Variants in ITPR2 observed in about 807,000 individuals in gnomAD.
ITPR2 encodes the protein inositol 1,4,5-trisphosphate receptor type 2.
In ITPR2, 207 loss-of-function variants were observed where a neutral mutation model predicts 317.1. That is an observed-to-expected ratio of 0.65 (90% CI 0.58 to 0.73). The LOEUF (loss-of-function observed/expected upper bound fraction) is 0.73, where lower values mean the gene tolerates loss of function less well. ITPR2 is among the 30% of genes least tolerant of loss of function. The probability of loss-of-function intolerance (pLI) is 0.00; values close to 1 mark genes in which losing one functional copy is unlikely to be tolerated. For synonymous variants in ITPR2, 1,156 were observed against 1,149.1 expected, an observed-to-expected ratio of 1.01 and a Z score of -0.12; for missense variants, 2,613 against 3,284.0, an observed-to-expected ratio of 0.80 and a Z score of 4.99.
intron 45 of ITPR2, among the ~76,000 whole-genome samples, chr12:26,455,187 GAGA>G (rs986832438): frequency 6.6e-6 from 1 of 151,814 alleles, no homozygotes; most frequent in African/African-American, 2.4e-5. Flanking sequence ...ATGAAGAGTT[GAGA>G]AGAAGCACTA....
chr12:26,474,981 C>T (rs1191921305), intron 45 of ITPR2, among the ~76,000 whole-genome samples: 2 of 152,098 alleles, frequency 1.3e-5, no homozygotes, highest in East Asian at 3.9e-4. Flanking sequence ...CCCCAGTAGC[C>T]TCTCTTCCCC....
At chr12:26,460,851 G>A (rs1942001450) in intron 45 of ITPR2, among the ~76,000 whole-genome samples, 1 of 152,116 alleles carries the variant, frequency 6.6e-6, no homozygotes, top group Non-Finnish European at 1.5e-5. Flanking sequence ...CCCCCAGCTA[G>A]GGTTCTTTGT....
chr12:26,691,685 CT>C, intron 10 of ITPR2, among the ~76,000 whole-genome samples: 1 of 152,198 alleles, frequency 6.6e-6, no homozygotes, highest in Middle Eastern at 3.4e-3. Context: ...CAGTCAGCCC[CT>C]AGAACACCTT....
intron 34 of ITPR2, among the ~76,000 whole-genome samples, chr12:26,566,141 G>A (rs1200603925): frequency 5.5e-5 from 7 of 128,264 alleles, no homozygotes; most frequent in Non-Finnish European, 1.2e-4. Flanking sequence ...GAGAGGAGGA[G>A]AGGAAAGGAG....
chr12:26,496,047 G>A (rs1301267206), intron 37 of ITPR2, among the ~76,000 whole-genome samples: 1 of 152,122 alleles, frequency 6.6e-6, no homozygotes, highest in African/African-American at 2.4e-5. Context: ...ATAATTGCTT[G>A]CATGTACATA....
intron 2 of ITPR2, among the ~76,000 whole-genome samples, chr12:26,777,422 C>G (rs1392409198): frequency 2.0e-5 from 3 of 152,132 alleles, no homozygotes; most frequent in Non-Finnish European, 4.4e-5. Flanking sequence ...AACAGTCACT[C>G]AACTACAAAA....
rs1196306902 is a variant in ITPR2, at chr12:26,831,567, G to A, written c.92+1123C>T. 6.6e-6 allele frequency among the ~76,000 whole-genome samples: 1 copy of A among 151,964 alleles called. No individual in the cohort carries two copies. Among genetic ancestry groups the A allele is most frequent in the Non-Finnish European group, 1.5e-5 (1 of 68,002 alleles). ...ACAACGAGGTAACAAAAAATTTCCT[G>A]TGCATCAAAATATACTGCAGCGTGC... On this transcript the variant is annotated intron_variant, in intron 1 of 56. Coordinates refer to ENST00000381340, the MANE Select transcript of ITPR2 (RefSeq NM_002223.4). The surrounding 1 kb of genome is among the most constrained non-coding windows in gnomAD (Gnocchi z 4.9).
At position 26,483,705 on chromosome 12, in the gene ITPR2, T is replaced by C; in HGVS notation, c.6005A>G (p.Glu2002Gly). The C allele has an allele frequency of 6.2e-7, 1 of 1,613,690 alleles. No homozygotes were observed. The highest frequency in any genetic ancestry group is 8.5e-7 in the Non-Finnish European group (1 of 1,179,512). The change falls in exon 42 of 57, where the codon GAA becomes GGA. Residue 2002 changes from glutamate to glycine, a missense_variant. This residue lies in a region of ITPR2 where 926 missense variants were observed against 1,072.8 expected (regional missense o/e 0.86). Transcript: ENST00000381340. ...ATGGATACTTCTGGTTACCTGATTT[T>C]CATGGCAAGGGCCCTGGCAATACTC... ...LTEYCQGPCH[E>G]NQTCIATHES...
intron 52 of ITPR2, among the ~76,000 whole-genome samples, chr12:26,409,182 C>T (rs1940457762): frequency 6.6e-6 from 1 of 152,142 alleles, no homozygotes; most frequent in Non-Finnish European, 1.5e-5. Context: ...AGACAAGATA[C>T]TAAAGTGGAT....
At chr12:26,800,154 G>A (rs1432766893) in intron 1 of ITPR2, among the ~76,000 whole-genome samples, 1 of 151,916 alleles carries the variant, frequency 6.6e-6, no homozygotes. Context: ...TCACTCTCCA[G>A]TGGCTACACA....
At chr12:26,779,641 T>C (rs980743620) in intron 2 of ITPR2, among the ~76,000 whole-genome samples, 1 of 152,102 alleles carries the variant, frequency 6.6e-6, no homozygotes, top group Non-Finnish European at 1.5e-5. Flanking sequence ...TTATGCCCAA[T>C]ATGCAGGCAT....
intron 37 of ITPR2, among the ~76,000 whole-genome samples, chr12:26,522,303 T>G (rs1342818804): frequency 1.3e-5 from 2 of 152,230 alleles, no homozygotes; most frequent in Non-Finnish European, 2.9e-5. Flanking sequence ...ATGCTATCTC[T>G]GTAGCTTAGA....
chr12:26,768,579 A>AC (rs775488727), intron 2 of ITPR2, among the ~76,000 whole-genome samples: 22,766 of 117,462 alleles, frequency 0.19, 2,715 homozygotes, highest in Non-Finnish European at 0.31. Context: ...TATAAAAAAA[A>AC]AAAAAAAAAA....
In ITPR2 at chr12:26,390,756, T is replaced by C. The variant is rs1248105446; in HGVS notation, c.7697-3162A>G. Among the ~76,000 whole-genome samples the C allele has an allele frequency of 6.6e-5, 10 of 152,044 alleles. No homozygotes were observed. In the East Asian group the frequency reaches 1.2e-3, roughly 18 times the overall value. On this transcript the variant is annotated intron_variant, in intron 54 of 56. Transcript: ENST00000381340. ...ATATGATGTGTGAATTATATCTCAA[T>C]AGAGCTATTAACAACAACAACAACA...
intron 1 of ITPR2, among the ~76,000 whole-genome samples, chr12:26,801,476 A>C (rs1950554941): frequency 6.6e-6 from 1 of 152,182 alleles, no homozygotes; most frequent in South Asian, 2.1e-4. Flanking sequence ...TTATGCCTGG[A>C]ACCAAGATGC....
chr12:26,775,945 T>TATATATATATATATACATAC (rs1565755039), intron 2 of ITPR2, among the ~76,000 whole-genome samples: 1 of 145,510 alleles, frequency 6.9e-6, no homozygotes, highest in Non-Finnish European at 1.5e-5. Flanking sequence ...TATATATATA[T>TATATATATATATATACATAC]ATGTATATGT....
chr12:26,339,587 C>G (rs564325259), intron 56 of ITPR2, 104 bp from the exon 57 acceptor site: 1 of 773,464 alleles, frequency 1.3e-6, no homozygotes, highest in African/African-American at 1.7e-5. Context: ...TACCTACTGT[C>G]CAGCATCATA....
chr12:26,414,016 G>A (rs549036875), intron 51 of ITPR2, among the ~76,000 whole-genome samples: 18 of 145,280 alleles, frequency 1.2e-4, no homozygotes, highest in African/African-American at 4.6e-4. Flanking sequence ...TAATGTGGAG[G>A]TTTTGGGAAG....
chr12:26,664,525 T>C (rs1364722897), intron 14 of ITPR2, among the ~76,000 whole-genome samples: 3 of 152,130 alleles, frequency 2.0e-5, no homozygotes, highest in African/African-American at 7.2e-5. Flanking sequence ...GCAGGAGGGA[T>C]CACCTGGAGA....
Sources: allele counts gnomAD v4.1 joint callset (sites outside exome capture counted in the v4.1 genomes callset), GRCh38; gene constraint gnomAD v4.1.1; regional missense constraint gnomAD v4.1.1; non-coding constraint Gnocchi (gnomAD v3.1); transcripts MANE v1.5; gene names NCBI Gene and HGNC (gene_info 2026-07-23, HGNC 2026-07-21).